The following SLIT2 variants were observed in gnomAD, a reference collection of about 807,000 sequenced individuals.
SLIT2 encodes slit guidance ligand 2.
In SLIT2, 41 loss-of-function variants were observed where a neutral mutation model predicts 185.7. The observed-to-expected ratio is 0.22, with a 90% CI of 0.17 to 0.29. The LOEUF is 0.29. Among genes scored for constraint, SLIT2 ranks in the 10% least tolerant of loss-of-function variants. The pLI is 1.00. For synonymous variants in SLIT2, 693 were observed against 680.2 expected (o/e 1.02, Z -0.29); for missense variants, 1,571 against 1,909.0 (o/e 0.82, Z 3.30).
intron 26 of SLIT2, among the ~76,000 whole-genome samples, chr4:20,566,940 A>G (rs140402076): frequency 2.0e-5 from 3 of 152,130 alleles, no homozygotes; most frequent in African/African-American, 7.2e-5. Flanking sequence ...AGTACAGACA[A>G]TGACCAAGAA....
intron 1 of SLIT2, among the ~76,000 whole-genome samples, chr4:20,255,676 G>A (rs1711738511): frequency 6.6e-6 from 1 of 152,174 alleles, no homozygotes; most frequent in Non-Finnish European, 1.5e-5. Context: ...TTGGGTGGGT[G>A]GGGGTGAGGG....
intron 11 of SLIT2, among the ~76,000 whole-genome samples, chr4:20,514,648 AAAAT>A (rs1322224289): frequency 6.6e-6 from 1 of 152,042 alleles, no homozygotes; most frequent in Non-Finnish European, 1.5e-5. Context: ...CTGTCTCAAA[AAAAT>A]AAATAAATAA....
At chr4:20,546,161 G>A in intron 22 of SLIT2, 62 bp downstream of exon 22, 1 of 881,238 alleles carries the variant, frequency 1.1e-6, no homozygotes, top group Non-Finnish European at 1.8e-6. Context: ...GGATGGCAAG[G>A]GACAGAAGAT....
chr4:20,433,381 A>G (rs1053955791), intron 4 of SLIT2, among the ~76,000 whole-genome samples: 2 of 152,246 alleles, frequency 1.3e-5, no homozygotes, highest in African/African-American at 2.4e-5. Flanking sequence ...TTGTTAACAT[A>G]TGACATAATG....
At chr4:20,553,753 G>A (rs1723989976) in intron 25 of SLIT2, 52 bp from the exon 26 acceptor site, 17 of 1,376,364 alleles carry the variant, frequency 1.2e-5, no homozygotes, top group South Asian at 1.6e-5. Context: ...GTGTGTGTGT[G>A]TGTATGTGTG....
At chr4:20,598,868 C>T (rs1021923123) in intron 33 of SLIT2, among the ~76,000 whole-genome samples, 4 of 152,134 alleles carry the variant, frequency 2.6e-5, no homozygotes, top group African/African-American at 9.7e-5. Context: ...GTGTTCCCCA[C>T]GGGCCACACT....
rs1721468230 is a variant in SLIT2, at chr4:20,528,202, G to C, written c.1463-747G>C. The C allele has an allele frequency of 1.9e-6, 1 of 527,588 alleles. No individual in the cohort carries two copies. Among genetic ancestry groups the C allele is most frequent in the Non-Finnish European group, 3.9e-6 (1 of 256,384 alleles). 32.7% of individuals were successfully genotyped at this position (527,588 alleles called of 1,614,324 possible). On this transcript the variant is annotated intron_variant, in intron 15 of 36. Transcript: ENST00000504154. The surrounding 1 kb of genome is among the most constrained non-coding windows in gnomAD (Gnocchi z 4.2). ...TCATGTAAACAGTATTACGTTTCCA[G>C]AACGTCTGTAGCTTTTCTCCTCCTT... is the stretch of plus-strand genomic sequence containing the variant.
chr4:20,372,394 TGAG>T (rs1446010711), intron 4 of SLIT2, among the ~76,000 whole-genome samples: 1 of 151,904 alleles, frequency 6.6e-6, no homozygotes, highest in Non-Finnish European at 1.5e-5. Context: ...AAAACTAAAG[TGAG>T]GAAAAGAAAC....
intron 4 of SLIT2, among the ~76,000 whole-genome samples, chr4:20,405,347 T>C (rs1241440165): frequency 6.6e-6 from 1 of 151,962 alleles, no homozygotes; most frequent in African/African-American, 2.4e-5. Context: ...AAGATAATTG[T>C]CTAATTGGAT....
intron 29 of SLIT2, among the ~76,000 whole-genome samples, chr4:20,579,172 TG>T (rs1726321945): frequency 6.6e-6 from 1 of 151,658 alleles, no homozygotes; most frequent in African/African-American, 2.4e-5. Flanking sequence ...TGGTGGTGCG[TG>T]CCTGTAATCC....
chr4:20,455,583 A>G (rs1284840657), intron 4 of SLIT2, among the ~76,000 whole-genome samples: 1 of 152,318 alleles, frequency 6.6e-6, no homozygotes, highest in African/African-American at 2.4e-5. Context: ...TTATATTTAT[A>G]CAATGGAATA....
chr4:20,353,365 A>C (rs1471352096), intron 4 of SLIT2, among the ~76,000 whole-genome samples: 2 of 152,224 alleles, frequency 1.3e-5, no homozygotes, highest in Non-Finnish European at 2.9e-5. Flanking sequence ...AGAAACTTTC[A>C]GAAGACATCC....
At chr4:20,336,466 G>A (rs1301054469) in intron 4 of SLIT2, among the ~76,000 whole-genome samples, 5 of 152,158 alleles carry the variant, frequency 3.3e-5, no homozygotes, top group African/African-American at 9.7e-5. Context: ...TTACTCATAG[G>A]TGGGAATTGA....
intron 33 of SLIT2, among the ~76,000 whole-genome samples, chr4:20,606,583 A>C (rs1373473642): frequency 6.6e-6 from 1 of 152,196 alleles, no homozygotes; most frequent in Non-Finnish European, 1.5e-5. Context: ...AAATGGAATT[A>C]ATCTCAATGA....
chr4:20,311,464 A>G (rs1718100721), intron 4 of SLIT2, among the ~76,000 whole-genome samples: 1 of 152,196 alleles, frequency 6.6e-6, no homozygotes, highest in African/African-American at 2.4e-5. Context: ...ACAAGTTATT[A>G]TAGGATTTGC....
chr4:20,302,481 G>A (rs896760246), intron 4 of SLIT2, among the ~76,000 whole-genome samples: 1 of 152,146 alleles, frequency 6.6e-6, no homozygotes, highest in African/African-American at 2.4e-5. Context: ...GGGGATGGAA[G>A]GACACATCTA....
At chr4:20,616,151 G>GA (rs1729631211) in intron 34 of SLIT2, 4 of 152,208 alleles carry the variant, frequency 2.6e-5, no homozygotes, top group South Asian at 2.1e-4. Flanking sequence ...TAGCAAGAAA[G>GA]AAAAAATGAT....
intron 4 of SLIT2, among the ~76,000 whole-genome samples, chr4:20,419,638 C>G (rs1012919524): frequency 1.4e-5 from 2 of 147,140 alleles, no homozygotes; most frequent in Non-Finnish European, 3.0e-5. Flanking sequence ...ATATACCTGG[C>G]TGTGTTGCTG....
intron 11 of SLIT2, among the ~76,000 whole-genome samples, chr4:20,511,706 G>T (rs1025723569): frequency 6.6e-6 from 1 of 150,648 alleles, no homozygotes; most frequent in African/African-American, 2.4e-5. Flanking sequence ...GGGATTACAG[G>T]CATGAGCCAC....
Sources: gnomAD v4.1 joint callset for allele counts (sites outside exome capture counted in the v4.1 genomes callset) on GRCh38, gnomAD v4.1.1 for gene constraint, Gnocchi (gnomAD v3.1) non-coding constraint, MANE v1.5 for transcripts, NCBI Gene and HGNC (gene_info 2026-07-23, HGNC 2026-07-21) for gene names.